The following ARHGAP21 variants were observed in gnomAD, a reference collection of about 807,000 sequenced individuals.
ARHGAP21 encodes Rho GTPase activating protein 21.
Under a neutral mutation model 164.6 loss-of-function variants are expected in ARHGAP21, and 38 were observed. The observed-to-expected ratio is 0.23, with a 90% CI of 0.18 to 0.30. The LOEUF (loss-of-function observed/expected upper bound fraction) is 0.30. ARHGAP21 is among the 10% of genes least tolerant of loss of function. The pLI is 1.00. For missense variants in ARHGAP21, 1,822 were observed against 2,370.7 expected, an observed-to-expected ratio of 0.77 and a Z score of 4.81; for synonymous variants, 766 against 857.9, an observed-to-expected ratio of 0.89 and a Z score of 1.87.
intron 4 of ARHGAP21, among the ~76,000 whole-genome samples, chr10:24,643,394 A>G (rs1837272207): frequency 6.6e-6 from 1 of 152,194 alleles, no homozygotes; most frequent in South Asian, 2.1e-4. Context: ...CTAACCAACT[A>G]TCTTTCTATC....
At chr10:24,690,835 A>AT (rs1450437493) in intron 2 of ARHGAP21, among the ~76,000 whole-genome samples, 86 of 150,542 alleles carry the variant, frequency 5.7e-4, no homozygotes, top group African/African-American at 1.4e-3. Flanking sequence ...CTCAAAAAAA[A>AT]AAATATATAT....
intron 2 of ARHGAP21, among the ~76,000 whole-genome samples, chr10:24,704,491 A>T (rs1208062441): frequency 1.3e-5 from 2 of 148,986 alleles, no homozygotes; most frequent in Admixed American, 6.7e-5. Flanking sequence ...TTTGAGACAG[A>T]GTCTCGCTCC....
At chr10:24,616,386 T>C (rs1401447190) in intron 9 of ARHGAP21, among the ~76,000 whole-genome samples, 1 of 152,192 alleles carries the variant, frequency 6.6e-6, no homozygotes, top group Non-Finnish European at 1.5e-5. Context: ...AGGGAGAAAC[T>C]GGGTATAGGG....
chr10:24,643,292 C>G lies in ARHGAP21; in HGVS notation c.269-8189G>C, dbSNP rs1035924170. On this transcript the variant is annotated intron_variant, in intron 4 of 25. Transcript: ENST00000396432. ...CATTTCACATGTAACATTTCACACA[C>G]AGTATTATCATATCTAGATTCATAG... 2.6e-5 allele frequency among the ~76,000 whole-genome samples: 4 copies of G among 152,332 alleles called. No homozygotes were observed. The East Asian group carries it at 5.8e-4, about 22-fold the overall frequency.
intron 9 of ARHGAP21, among the ~76,000 whole-genome samples, chr10:24,615,554 C>T (rs1053815605): frequency 1.3e-5 from 2 of 152,138 alleles, no homozygotes; most frequent in Non-Finnish European, 2.9e-5. Flanking sequence ...AATTTTTGCT[C>T]ATTTTGAGGC....
intron 24 of ARHGAP21, chr10:24,590,751 G>GT (rs1273299250): frequency 2.0e-6 from 2 of 985,196 alleles, no homozygotes; most frequent in Non-Finnish European, 2.4e-6. Context: ...TTATGAAAAT[G>GT]TATTTATGAA....
intron 21 of ARHGAP21, among the ~76,000 whole-genome samples, chr10:24,593,818 CTT>C (rs2076450073): frequency 2.6e-5 from 4 of 151,820 alleles, no homozygotes; most frequent in South Asian, 2.1e-4. Context: ...ATTGAAAACT[CTT>C]TGGCTCCTAC....
intron 25 of ARHGAP21, among the ~76,000 whole-genome samples, chr10:24,587,831 T>A (rs1406875719): frequency 3.9e-4 from 58 of 148,728 alleles, no homozygotes; most frequent in Admixed American, 2.3e-3. Context: ...GGCAAATTAC[T>A]CTACTTTTCT....
chr10:24,595,888 A>C lies in ARHGAP21; in HGVS notation c.3633T>G (p.Asp1211Glu). Reference protein sequence around the residue: ...KGMADIDIQDDKWRDLNVISS... With the variant: ...KGMADIDIQDEKWRDLNVISS... ...CAGTTATTCAAATAAGCAAACTTAC[A>C]TCATCTTGTATATCAATATCAGCCA... The change falls in exon 18 of 26, where the codon GAT (aspartate) becomes GAG (glutamate). Residue 1211 changes from aspartate (D) to glutamate (E), a missense_variant and splice_region_variant. Asp to Glu is a conservative substitution (Grantham distance 45). This residue lies in a region of ARHGAP21 where 117 missense variants were observed against 238.1 expected (regional missense o/e 0.49). Coordinates refer to ENST00000396432, the MANE Select transcript of ARHGAP21 (RefSeq NM_020824.4). 1 of 1,611,994 alleles carries C rather than the reference A, an allele frequency of 6.2e-7. No individual in the cohort carries two copies. The highest frequency in any genetic ancestry group is 1.3e-5 in the African/African-American group (1 of 74,926).
intron 2 of ARHGAP21, among the ~76,000 whole-genome samples, chr10:24,684,159 C>T (rs535683800): frequency 1.3e-5 from 2 of 151,926 alleles, no homozygotes; most frequent in Middle Eastern, 3.2e-3. Context: ...TGGTGGTGCA[C>T]GCCTGTAATT....
At position 24,633,863 on chromosome 10, in the gene ARHGAP21, C is replaced by T. The variant is rs539766427; in HGVS notation, c.362-383G>A. On this transcript the variant is annotated intron_variant, in intron 5 of 25. Coordinates refer to ENST00000396432, the MANE Select transcript of ARHGAP21 (RefSeq NM_020824.4). ...AGTTGCAGAACTAATTATCTCTCCA[C>T]GTACCCTGTCTTTTTTTCTCTTTTT... Among the ~76,000 whole-genome samples the T allele has an allele frequency of 4.8e-5, 7 of 145,752 alleles. No homozygotes were observed. In the South Asian group the frequency reaches 8.9e-4, roughly 18 times the overall value.
intron 2 of ARHGAP21, among the ~76,000 whole-genome samples, chr10:24,702,025 G>C (rs1033503107): frequency 2.0e-5 from 3 of 151,904 alleles, no homozygotes; most frequent in Non-Finnish European, 4.4e-5. Context: ...TCTTGTATCT[G>C]GCTCCATTAT....
intron 9 of ARHGAP21, among the ~76,000 whole-genome samples, chr10:24,615,606 G>A (rs1339294167): frequency 1.3e-5 from 2 of 152,146 alleles, no homozygotes; most frequent in Non-Finnish European, 2.9e-5. Context: ...CAGGCAATCG[G>A]CTCTGTCAGT....
intron 2 of ARHGAP21, among the ~76,000 whole-genome samples, chr10:24,676,792 G>A (rs72784291): frequency 0.028 from 4,236 of 152,212 alleles, 79 homozygotes; most frequent in Non-Finnish European, 0.041. Context: ...ATTATTTAAC[G>A]TCTCTAAGCC....
intron 2 of ARHGAP21, among the ~76,000 whole-genome samples, chr10:24,693,733 C>T (rs908735671): frequency 1.4e-4 from 21 of 152,310 alleles, no homozygotes; most frequent in African/African-American, 5.1e-4. Flanking sequence ...TCCTGCCACA[C>T]AAATCTCCTG....
chr10:24,646,994 G>A (rs1465489193), intron 4 of ARHGAP21, among the ~76,000 whole-genome samples: 1 of 152,170 alleles, frequency 6.6e-6, no homozygotes, highest in African/African-American at 2.4e-5. Context: ...ACTCCGCCAT[G>A]CACTTTTCTT....
chr10:24,655,180 T>C (rs1320265088), intron 4 of ARHGAP21, among the ~76,000 whole-genome samples: 2 of 152,198 alleles, frequency 1.3e-5, no homozygotes, highest in Admixed American at 6.5e-5. Context: ...GAAGAAAACC[T>C]AGGCAATACC....
intron 21 of ARHGAP21, 102 bp from the exon 22 acceptor site, chr10:24,592,114 A>G (rs2076354653): frequency 1.1e-5 from 13 of 1,144,726 alleles, no homozygotes; most frequent in African/African-American, 3.2e-5. Context: ...AAACAGAAAA[A>G]TAGCTTTGAT....
In ARHGAP21 at chr10:24,590,682, CAG is replaced by C. The variant is rs1037550437; in HGVS notation, c.4150+541_4150+542del. ...CAAGCATTAGGGTGGCAACAGGAAA[CAG>C]AAGAAAATAAATGTCAAATAGGCTG... On this transcript the variant is annotated intron_variant, in intron 24 of 25. Coordinates refer to ENST00000396432, the MANE Select transcript of ARHGAP21 (RefSeq NM_020824.4). 6 of 1,323,018 alleles carry C rather than the reference CAG, an allele frequency of 4.5e-6. No homozygotes were observed. In the African/African-American group the frequency reaches 5.9e-5, roughly 13 times the overall value. 82.0% of individuals were successfully genotyped at this position (1,323,018 alleles called of 1,614,324 possible).
Sources: allele counts gnomAD v4.1 joint callset (sites outside exome capture counted in the v4.1 genomes callset), GRCh38; gene constraint gnomAD v4.1.1; regional missense constraint gnomAD v4.1.1; transcripts MANE v1.5; gene names NCBI Gene and HGNC (gene_info 2026-07-23, HGNC 2026-07-21).